The following ARHGEF28 variants were observed in gnomAD, a reference collection of about 807,000 sequenced individuals.
ARHGEF28 encodes 190 kDa guanine nucleotide exchange factor.
ARHGEF28 carries 152 observed loss-of-function variants against 206.6 expected under a neutral mutation model. The observed-to-expected ratio is 0.74, with a 90% confidence interval of 0.64 to 0.84. The LOEUF is 0.84. Among genes scored for constraint, ARHGEF28 ranks in the 40% least tolerant of loss-of-function variants. ARHGEF28 has a pLI of 0.00. For missense variants in ARHGEF28, 2,028 were observed against 2,073.2 expected (o/e 0.98, Z 0.42); for synonymous variants, 763 against 776.4 (o/e 0.98, Z 0.29).
rs765068274 is a variant in ARHGEF28 at position 73,867,947 on chromosome 5, C to A, written c.2224C>A (p.Pro742Thr). 8 of 1,613,984 alleles carry A rather than the reference C, an allele frequency of 5.0e-6. No individual in the cohort carries two copies. In the South Asian group the frequency reaches 8.8e-5, roughly 18 times the overall value. ...HPSSSVPVGL[P>T]TGRRETVGQV... The stretch of plus-strand genomic sequence containing the variant: ...TTCTTCCTCCGTGCCTGTTGGATTG[C>A]CGACTGGAAGGAGGGAGACTGTGGG... Residue 742 changes from proline (P) to threonine (T), a missense_variant, in exon 19 of 36, where the codon CCG becomes ACG. By Grantham distance (38) the Pro-to-Thr change is conservative. Coordinates refer to ENST00000513042, the MANE Select transcript of ARHGEF28 (RefSeq NM_001177693.2).
At chr5:73,650,130 C>T (rs895643314) in intron 1 of ARHGEF28, among the ~76,000 whole-genome samples, 2 of 152,100 alleles carry the variant, frequency 1.3e-5, no homozygotes, top group African/African-American at 2.4e-5. Flanking sequence ...CTGCTTAGGA[C>T]AGTACTCATG....
chr5:73,684,885 G>C lies in ARHGEF28; in HGVS notation c.33+1G>C, dbSNP rs748148677. ...GAGCTGCAGCGAAGCACCTCTTTAC[G>C]TAAGTTGCTAAGCACGGGGCTTCAG... On this transcript the variant is annotated splice_donor_variant, in intron 2 of 35. Coordinates refer to ENST00000513042, the MANE Select transcript of ARHGEF28 (RefSeq NM_001177693.2). LOFTEE classifies it high-confidence loss of function. 1.2e-6 allele frequency: 2 copies of C among 1,611,862 alleles called. No individual in the cohort carries two copies. The highest frequency in any genetic ancestry group is 8.5e-7 in the Non-Finnish European group (1 of 1,178,826).
chr5:73,680,699 T>C (rs1032860764), intron 1 of ARHGEF28, among the ~76,000 whole-genome samples: 1 of 152,134 alleles, frequency 6.6e-6, no homozygotes, highest in Non-Finnish European at 1.5e-5. Flanking sequence ...ATTTTGAGTA[T>C]ATTTTATCAG....
chr5:73,874,392 G>A (rs1161627539), intron 22 of ARHGEF28, among the ~76,000 whole-genome samples: 1 of 151,830 alleles, frequency 6.6e-6, no homozygotes. Context: ...TTAGTTTCAA[G>A]TTTTTTTATT....
intron 7 of ARHGEF28, among the ~76,000 whole-genome samples, chr5:73,781,172 C>T (rs918183574): frequency 5.3e-5 from 8 of 152,098 alleles, no homozygotes; most frequent in East Asian, 1.9e-4. Flanking sequence ...TTTGTCATCA[C>T]GAGGGTCGGG....
intron 6 of ARHGEF28, chr5:73,778,371 T>G (rs1046727686): frequency 1.2e-4 from 19 of 152,244 alleles, no homozygotes; most frequent in Admixed American, 3.3e-4. Context: ...GAGATAATAC[T>G]GATGACCTTG....
chr5:73,678,995 C>T (rs1014457123), intron 1 of ARHGEF28, among the ~76,000 whole-genome samples: 1 of 152,328 alleles, frequency 6.6e-6, no homozygotes. Flanking sequence ...TTTGGGAGAT[C>T]CTCCTGCCTC....
chr5:73,861,377 A>C (rs1328207089), intron 16 of ARHGEF28, among the ~76,000 whole-genome samples: 3 of 152,230 alleles, frequency 2.0e-5, no homozygotes, highest in South Asian at 4.1e-4. Context: ...TTTAAGCAGA[A>C]ACTTTTTATA....
chr5:73,775,828 A>G (rs2112451221), intron 5 of ARHGEF28, among the ~76,000 whole-genome samples: 1 of 152,338 alleles, frequency 6.6e-6, no homozygotes, highest in Non-Finnish European at 1.5e-5. Flanking sequence ...TGTAATTTAC[A>G]AATGTACAAA....
intron 9 of ARHGEF28, among the ~76,000 whole-genome samples, chr5:73,806,631 A>G (rs978443848): frequency 7.1e-6 from 1 of 141,670 alleles, no homozygotes; most frequent in African/African-American, 2.6e-5. Flanking sequence ...GTATATATCT[A>G]TATATACAAT....
chr5:73,867,122 C>T (rs1051469065), intron 18 of ARHGEF28, among the ~76,000 whole-genome samples: 3 of 151,986 alleles, frequency 2.0e-5, no homozygotes, highest in African/African-American at 7.3e-5. Context: ...GATGAAATAC[C>T]ACATATTACT....
intron 2 of ARHGEF28, among the ~76,000 whole-genome samples, chr5:73,688,032 ACT>A (rs936731925): frequency 2.0e-5 from 3 of 152,080 alleles, no homozygotes; most frequent in Non-Finnish European, 2.9e-5. Context: ...AAACAAAATA[ACT>A]CTGGCAAGTG....
chr5:73,811,616 A>T (rs2112518924), intron 9 of ARHGEF28, among the ~76,000 whole-genome samples: 1 of 152,326 alleles, frequency 6.6e-6, no homozygotes, highest in Middle Eastern at 3.4e-3. Flanking sequence ...CTTTTACTGG[A>T]TATAAGGGCT....
chr5:73,750,018 T>G (rs1188713013), intron 3 of ARHGEF28, 34 bp downstream of exon 3: 5 of 1,607,662 alleles, frequency 3.1e-6, no homozygotes, highest in Non-Finnish European at 4.2e-6. Context: ...AGCTGGGAAA[T>G]TAGTCTGCAA....
At chr5:73,866,132 CAT>C (rs1759690750) in intron 18 of ARHGEF28, 119 bp downstream of exon 18, 1 of 916,294 alleles carries the variant, frequency 1.1e-6, no homozygotes, top group Non-Finnish European at 1.6e-6. Flanking sequence ...TCTTTCATAA[CAT>C]ATGCTTGGCA....
intron 26 of ARHGEF28, among the ~76,000 whole-genome samples, chr5:73,890,151 A>G (rs1761539117): frequency 6.6e-6 from 1 of 152,198 alleles, no homozygotes; most frequent in Admixed American, 6.5e-5. Flanking sequence ...GTTAGTATGA[A>G]TACCGATGGA....
intron 4 of ARHGEF28, among the ~76,000 whole-genome samples, chr5:73,770,019 G>T (rs953680805): frequency 6.6e-6 from 1 of 152,182 alleles, no homozygotes; most frequent in African/African-American, 2.4e-5. Flanking sequence ...TCCAAGCTAA[G>T]CCTTTGGCTA....
intron 1 of ARHGEF28, among the ~76,000 whole-genome samples, chr5:73,645,859 T>C (rs1561305708): frequency 6.6e-6 from 1 of 151,878 alleles, no homozygotes; most frequent in African/African-American, 2.4e-5. Flanking sequence ...TCCTTTCCTT[T>C]CCCCCCTCCT....
At chr5:73,878,370 C>G (rs1323411568) in intron 22 of ARHGEF28, among the ~76,000 whole-genome samples, 1 of 151,780 alleles carries the variant, frequency 6.6e-6, no homozygotes, top group Non-Finnish European at 1.5e-5. Context: ...AGTCTTGACT[C>G]TTTATCCAAT....
Sources: allele counts gnomAD v4.1 joint callset (sites outside exome capture counted in the v4.1 genomes callset), GRCh38; gene constraint gnomAD v4.1.1; transcripts MANE v1.5; gene names NCBI Gene and HGNC (gene_info 2026-07-23, HGNC 2026-07-21).